The following STAT4 variants were observed in gnomAD, a reference collection of about 807,000 sequenced individuals.
The protein encoded by STAT4 is signal transducer and activator of transcription 4.
STAT4 carries 42 observed loss-of-function variants against 110.5 expected under a neutral mutation model. That is an observed-to-expected ratio of 0.38 (90% CI 0.30 to 0.49). The LOEUF (loss-of-function observed/expected upper bound fraction) is 0.49, where lower values mean the gene tolerates loss of function less well. STAT4 is among the 20% of genes least tolerant of loss of function. The pLI is 0.95. For synonymous variants in STAT4, 284 were observed against 302.2 expected, an observed-to-expected ratio of 0.94 and a Z score of 0.63; for missense variants, 632 against 887.9, an observed-to-expected ratio of 0.71 and a Z score of 3.66.
intron 3 of STAT4, among the ~76,000 whole-genome samples, chr2:191,141,425 C>T (rs1699320221): frequency 2.1e-5 from 1 of 46,844 alleles, no homozygotes; most frequent in East Asian, 4.8e-4. Flanking sequence ...ATGTATATCA[C>T]ATACATACAT....
rs898117642 is a variant in STAT4 at position 191,135,352 on chromosome 2, A to C, written c.273+11261T>G. 6.6e-6 allele frequency among the ~76,000 whole-genome samples: 1 copy of C among 152,230 alleles called. No homozygotes were observed. Among genetic ancestry groups the C allele is most frequent in the Non-Finnish European group, 1.5e-5 (1 of 68,038 alleles). ...CAACCTAGCAAGATTGAATCAGGAAAAAAGCCCAAAAAGACCTGAACAGAC... is the reference window on the plus strand; with the variant it reads ...CAACCTAGCAAGATTGAATCAGGAACAAAGCCCAAAAAGACCTGAACAGAC... On this transcript the variant is annotated intron_variant, in intron 3 of 23. Coordinates refer to ENST00000392320, the MANE Select transcript of STAT4 (RefSeq NM_003151.4). The surrounding 1 kb of genome is among the most constrained non-coding windows in gnomAD (Gnocchi z 4.8).
At chr2:191,094,621 A>G (rs1294583586) in intron 3 of STAT4, among the ~76,000 whole-genome samples, 1 of 152,204 alleles carries the variant, frequency 6.6e-6, no homozygotes, top group Non-Finnish European at 1.5e-5. Flanking sequence ...AACCGGTACC[A>G]GCCAATGCAA....
At chr2:191,071,808 G>A (rs1199818340) in intron 5 of STAT4, among the ~76,000 whole-genome samples, 2 of 152,340 alleles carry the variant, frequency 1.3e-5, no homozygotes, top group African/African-American at 4.8e-5. Context: ...AGCTACAAGG[G>A]ATTTGTTGAA....
At chr2:191,102,852 T>A (rs1302882998) in intron 3 of STAT4, among the ~76,000 whole-genome samples, 1 of 148,832 alleles carries the variant, frequency 6.7e-6, no homozygotes, top group African/African-American at 2.4e-5. Flanking sequence ...ATCAATTATC[T>A]GTGTGTTGGC....
At position 191,147,015 on chromosome 2, in the gene STAT4, G is replaced by C. The variant is rs953308776; in HGVS notation, c.129-258C>G. On this transcript the variant is annotated intron_variant, in intron 2 of 23. Transcript: ENST00000392320. The surrounding 1 kb of genome is among the most constrained non-coding windows in gnomAD (Gnocchi z 4.1). The stretch of plus-strand genomic sequence containing the variant: ...AAGGAAAAGAAAAAACAGAAAATGA[G>C]TGTTGGTGAGGATACAGAGAAATTG... 6.6e-6 allele frequency among the ~76,000 whole-genome samples: 1 copy of C among 152,160 alleles called. No homozygotes were observed. Among genetic ancestry groups the C allele is most frequent in the African/African-American group, 2.4e-5 (1 of 41,442 alleles).
rs1696510693 is a variant in STAT4, at chr2:191,051,069, C to A, written c.1251+3421G>T. ...GTGTGTGTGTGATGGAGGTGAAGAG[C>A]ATTGGAGTGGTAGCAGGAATTCCAG... On this transcript the variant is annotated intron_variant, in intron 14 of 23. Coordinates refer to ENST00000392320, the MANE Select transcript of STAT4 (RefSeq NM_003151.4). The surrounding 1 kb of genome is among the most constrained non-coding windows in gnomAD (Gnocchi z 5.6). Among the ~76,000 whole-genome samples, 2 of 152,044 alleles carry A rather than the reference C, an allele frequency of 1.3e-5. No individual in the cohort carries two copies. The highest frequency in any genetic ancestry group is 4.8e-5 in the African/African-American group (2 of 41,356).
intron 4 of STAT4, among the ~76,000 whole-genome samples, chr2:191,074,646 A>T (rs544138361): frequency 6.6e-6 from 1 of 152,228 alleles, no homozygotes; most frequent in Non-Finnish European, 1.5e-5. Context: ...CTGAGAATAC[A>T]TGTGAGAATA....
In STAT4 at chr2:191,083,230, G is replaced by A. The variant is rs567098554; in HGVS notation, c.274-6905C>T. Among the ~76,000 whole-genome samples the A allele has an allele frequency of 6.6e-6, 1 of 152,184 alleles. No individual in the cohort carries two copies. Among genetic ancestry groups the A allele is most frequent in the Non-Finnish European group, 1.5e-5 (1 of 68,030 alleles). Reference sequence around the variant, plus strand: ...TGTTATGGGAGTGGGCAAGTGAGACGAGGAAGAGAAGGGAGCCAGTAAGGG... The same window carrying A: ...TGTTATGGGAGTGGGCAAGTGAGACAAGGAAGAGAAGGGAGCCAGTAAGGG... On this transcript the variant is annotated intron_variant, in intron 3 of 23. Transcript: ENST00000392320. The surrounding 1 kb of genome is among the most constrained non-coding windows in gnomAD (Gnocchi z 4.6).
intron 18 of STAT4, among the ~76,000 whole-genome samples, chr2:191,034,295 T>G (rs3024890): frequency 2.8e-4 from 42 of 151,552 alleles, no homozygotes; most frequent in African/African-American, 9.0e-4. Context: ...TGGTGGTGGG[T>G]GCCTGTAGTC....
intron 6 of STAT4, among the ~76,000 whole-genome samples, chr2:191,067,266 T>A (rs1697017367): frequency 6.6e-6 from 1 of 152,046 alleles, no homozygotes; most frequent in South Asian, 2.1e-4. Flanking sequence ...CCCAAAATAA[T>A]GGAACTAAAG....
chr2:191,076,223 T>A lies in STAT4; in HGVS notation c.372+4A>T, dbSNP rs1697314471. 1 of 1,611,310 alleles carries A rather than the reference T, an allele frequency of 6.2e-7. No individual in the cohort carries two copies. Among genetic ancestry groups the A allele is most frequent in the Non-Finnish European group, 8.5e-7 (1 of 1,178,030 alleles). On this transcript the variant is annotated splice_donor_region_variant and intron_variant, in intron 4 of 23. Coordinates refer to ENST00000392320, the MANE Select transcript of STAT4 (RefSeq NM_003151.4). ...AACAAGATCACAAGGTCAGAAAATATTACCTGGACAGGCATGTTGGCTGCA... is the reference window on the plus strand; with the variant it reads ...AACAAGATCACAAGGTCAGAAAATAATACCTGGACAGGCATGTTGGCTGCA...
chr2:191,108,293 A>T (rs1698336968), intron 3 of STAT4, among the ~76,000 whole-genome samples: 1 of 151,140 alleles, frequency 6.6e-6, no homozygotes, highest in South Asian at 2.1e-4. Flanking sequence ...TCTATCTCAA[A>T]AAAAAAAAAA....
intron 14 of STAT4, among the ~76,000 whole-genome samples, chr2:191,049,225 A>G (rs1296725513): frequency 7.8e-6 from 1 of 127,464 alleles, no homozygotes; most frequent in African/African-American, 3.1e-5. Flanking sequence ...CCCAGGCTGG[A>G]GTGCAGTGGC....
At position 191,110,704 on chromosome 2, in the gene STAT4, T is replaced by A. The variant is rs530367875; in HGVS notation, c.274-34379A>T. Among the ~76,000 whole-genome samples the A allele has an allele frequency of 3.9e-5, 6 of 152,344 alleles. No homozygotes were observed. The South Asian group carries it at 1.2e-3, about 32-fold the overall frequency. On this transcript the variant is annotated intron_variant, in intron 3 of 23. Coordinates refer to ENST00000392320, the MANE Select transcript of STAT4 (RefSeq NM_003151.4). The surrounding 1 kb of genome is among the most constrained non-coding windows in gnomAD (Gnocchi z 4.5). ...GAGAAAATGCATGAATTTCAGTTGA[T>A]ACAACTGAAGTACCGTATCACTGAG...
At position 191,135,982 on chromosome 2, in the gene STAT4, A is replaced by C. The variant is rs1476473291; in HGVS notation, c.273+10631T>G. Among the ~76,000 whole-genome samples the C allele has an allele frequency of 6.7e-6, 1 of 149,680 alleles. No individual in the cohort carries two copies. Among genetic ancestry groups the C allele is most frequent in the Non-Finnish European group, 1.5e-5 (1 of 67,732 alleles). On this transcript the variant is annotated intron_variant, in intron 3 of 23. Coordinates refer to ENST00000392320, the MANE Select transcript of STAT4 (RefSeq NM_003151.4). The surrounding 1 kb of genome is among the most constrained non-coding windows in gnomAD (Gnocchi z 4.8). ...CAAAATTTGTCAACAAAATACTAGC[A>C]AATCAAATCCAACAGCATCTCAGAA...
chr2:191,123,812 G>C (rs139770052), intron 3 of STAT4, among the ~76,000 whole-genome samples: 1 of 152,322 alleles, frequency 6.6e-6, no homozygotes, highest in East Asian at 1.9e-4. Flanking sequence ...AGCATCGTGA[G>C]AGTATTGTAC....
chr2:191,031,226 C>T lies in STAT4; in HGVS notation c.2112-146G>A, dbSNP rs555765464. The T allele has an allele frequency of 3.8e-5, 36 of 945,292 alleles. No individual in the cohort carries two copies. The highest frequency in any genetic ancestry group is 5.8e-5 in the Non-Finnish European group (36 of 622,898). The allele number at this position is 945,292 out of a possible 1,614,324, so 58.6% of individuals were successfully genotyped here. On this transcript the variant is annotated intron_variant, in intron 22 of 23. Coordinates refer to ENST00000392320, the MANE Select transcript of STAT4 (RefSeq NM_003151.4). This position sits in a 1 kb window ranked among gnomAD's most constrained non-coding sequence, Gnocchi z 4.8. ...ATTCATCATTTCATATCAGAACACTCAACTTACTGTGGCATATATGGCATA... is the reference window on the plus strand; with the variant it reads ...ATTCATCATTTCATATCAGAACACTTAACTTACTGTGGCATATATGGCATA...
intron 3 of STAT4, among the ~76,000 whole-genome samples, chr2:191,133,020 C>T (rs1001636069): frequency 1.9e-4 from 29 of 151,592 alleles, no homozygotes; most frequent in Non-Finnish European, 3.1e-4. Context: ...TCCCAAAGTG[C>T]TGGGATTACA....
chr2:191,146,758 C>CA lies in STAT4; in HGVS notation c.129-2_129-1insT. 1 of 1,526,680 alleles carries CA rather than the reference C, an allele frequency of 6.6e-7. No individual in the cohort carries two copies. Among genetic ancestry groups the CA allele is most frequent in the Non-Finnish European group, 8.8e-7 (1 of 1,141,290 alleles). The allele number at this position is 1,526,680 out of a possible 1,614,324, so 94.6% of individuals were successfully genotyped here. Reference sequence around the variant, plus strand: ...GGTTTCATTGTTAGAAGCTGCCTCCCTAAAAAAAAAAAGGATTATTACACA... The same window carrying CA: ...GGTTTCATTGTTAGAAGCTGCCTCCCATAAAAAAAAAAAGGATTATTACACA... On this transcript the variant is annotated splice_acceptor_variant, in intron 2 of 23. Coordinates refer to ENST00000392320, the MANE Select transcript of STAT4 (RefSeq NM_003151.4). LOFTEE classifies it high-confidence loss of function. The surrounding 1 kb of genome is among the most constrained non-coding windows in gnomAD (Gnocchi z 4.5).
Sources: allele counts gnomAD v4.1 joint callset (sites outside exome capture counted in the v4.1 genomes callset), GRCh38; gene constraint gnomAD v4.1.1; non-coding constraint Gnocchi (gnomAD v3.1); transcripts MANE v1.5; gene names NCBI Gene and HGNC (gene_info 2026-07-23, HGNC 2026-07-21).